The following ARID2 variants were observed in gnomAD, a reference collection of about 807,000 sequenced individuals.
ARID2 encodes AT-rich interaction domain 2, also known as AT-rich interactive domain-containing protein 2.
A neutral mutation model predicts 184.6 loss-of-function variants in ARID2; 32 were observed. The observed-to-expected ratio is 0.17, with a 90% CI of 0.13 to 0.23. The LOEUF is 0.23. Ranked by LOEUF, ARID2 falls within the 10% of genes least tolerant of loss-of-function variation. The pLI is 1.00. For synonymous variants in ARID2, 836 were observed against 772.6 expected (o/e 1.08, Z -1.36); for missense variants, 1,696 against 2,197.6 (o/e 0.77, Z 4.56).
chr12:45,794,318 C>G (rs547864758), intron 3 of ARID2, among the ~76,000 whole-genome samples: 33 of 152,300 alleles, frequency 2.2e-4, no homozygotes, highest in Non-Finnish European at 3.4e-4. Flanking sequence ...TAGAGCTGAG[C>G]AACCTCAGCG....
chr12:45,746,773 T>C (rs1941363792), intron 3 of ARID2, among the ~76,000 whole-genome samples: 1 of 152,014 alleles, frequency 6.6e-6, no homozygotes, highest in Non-Finnish European at 1.5e-5. Flanking sequence ...CTGGATCTAG[T>C]ATTTTTTTTT....
At chr12:45,761,806 C>T (rs1592060300) in intron 3 of ARID2, among the ~76,000 whole-genome samples, 1 of 151,610 alleles carries the variant, frequency 6.6e-6, no homozygotes, top group South Asian at 2.1e-4. Context: ...AATTCTTCTT[C>T]GTTTATTTTC....
chr12:45,775,985 T>C (rs1316627887), intron 3 of ARID2: 1 of 164,338 alleles, frequency 6.1e-6, no homozygotes, highest in Non-Finnish European at 1.5e-5. Context: ...CAGTAACTAA[T>C]TAATACAATG....
At chr12:45,883,503 G>T (rs193070547) in intron 16 of ARID2, among the ~76,000 whole-genome samples, 2 of 148,288 alleles carry the variant, frequency 1.3e-5, no homozygotes, top group Admixed American at 6.9e-5. Context: ...AAACTTGTGC[G>T]TAAAATAAGG....
intron 16 of ARID2, among the ~76,000 whole-genome samples, chr12:45,861,580 C>CT (rs11303020): frequency 0.02 from 1,942 of 96,942 alleles, 34 homozygotes; most frequent in South Asian, 0.071. Flanking sequence ...AGGCATTTGT[C>CT]TTTTTTTTTT....
intron 12 of ARID2, among the ~76,000 whole-genome samples, chr12:45,848,628 C>A (rs184350589): frequency 6.6e-6 from 1 of 152,124 alleles, no homozygotes; most frequent in East Asian, 1.9e-4. Flanking sequence ...TTGTCAGTGT[C>A]ATTTTTAATA....
intron 18 of ARID2, among the ~76,000 whole-genome samples, chr12:45,892,558 T>C (rs1944314986): frequency 6.6e-6 from 1 of 152,192 alleles, no homozygotes; most frequent in Non-Finnish European, 1.5e-5. Context: ...TCTTATTTAA[T>C]ATTCAGAATT....
intron 3 of ARID2, among the ~76,000 whole-genome samples, chr12:45,749,174 A>G (rs1199964812): frequency 1.3e-5 from 2 of 152,222 alleles, no homozygotes; most frequent in African/African-American, 4.8e-5. Context: ...GAAAGTCAAA[A>G]TGACTCCTTG....
intron 3 of ARID2, among the ~76,000 whole-genome samples, chr12:45,735,291 C>T (rs556005321): frequency 3.1e-3 from 467 of 151,696 alleles, no homozygotes; most frequent in Non-Finnish European, 5.0e-3. Context: ...AATTGCTAAA[C>T]GGAACTGAAT....
At chr12:45,752,762 C>T (rs754906263) in intron 3 of ARID2, among the ~76,000 whole-genome samples, 2 of 152,184 alleles carry the variant, frequency 1.3e-5, no homozygotes, top group African/African-American at 2.4e-5. Context: ...TTCCAAAATG[C>T]TGGCATTACA....
At chr12:45,827,371 A>G (rs544897653) in intron 6 of ARID2, among the ~76,000 whole-genome samples, 2 of 152,270 alleles carry the variant, frequency 1.3e-5, no homozygotes, top group South Asian at 4.1e-4. Context: ...CTTATTTCAG[A>G]GAAAAAAATA....
At chr12:45,815,227 G>T (rs1039849875) in intron 4 of ARID2, among the ~76,000 whole-genome samples, 6 of 152,020 alleles carry the variant, frequency 3.9e-5, no homozygotes, top group South Asian at 2.1e-4. Flanking sequence ...GCTAAGACTT[G>T]GCTTATCATC....
At chr12:45,866,095 A>G (rs992254185) in intron 16 of ARID2, among the ~76,000 whole-genome samples, 5 of 152,036 alleles carry the variant, frequency 3.3e-5, no homozygotes, top group Admixed American at 6.6e-5. Flanking sequence ...TTCTTATTTT[A>G]AACTATATAT....
intron 16 of ARID2, among the ~76,000 whole-genome samples, chr12:45,872,247 T>C (rs971941678): frequency 6.6e-6 from 1 of 152,192 alleles, no homozygotes; most frequent in African/African-American, 2.4e-5. Flanking sequence ...TTTTTTAGTA[T>C]ATAAGTTCAA....
At chr12:45,863,551 C>T (rs1224311775) in intron 16 of ARID2, among the ~76,000 whole-genome samples, 1 of 151,982 alleles carries the variant, frequency 6.6e-6, no homozygotes, top group Non-Finnish European at 1.5e-5. Flanking sequence ...TGCATCATTG[C>T]ACTCCAGCCT....
chr12:45,755,942 G>A (rs1349416328), intron 3 of ARID2: 2 of 164,310 alleles, frequency 1.2e-5, no homozygotes, highest in Non-Finnish European at 1.5e-5. Flanking sequence ...GTCTCACTCT[G>A]TCACCCAGGC....
intron 3 of ARID2, among the ~76,000 whole-genome samples, chr12:45,800,069 C>T (rs1188238079): frequency 2.0e-5 from 3 of 152,044 alleles, no homozygotes; most frequent in East Asian, 1.9e-4. Context: ...CAGGCAGTCT[C>T]GAACTCCTGG....
intron 6 of ARID2, among the ~76,000 whole-genome samples, chr12:45,825,249 T>A (rs1307894257): frequency 6.6e-6 from 1 of 152,098 alleles, no homozygotes; most frequent in Non-Finnish European, 1.5e-5. Context: ...TTTGAAATGC[T>A]CCCAACACAA....
At chr12:45,862,468 G>T (rs569202639) in intron 16 of ARID2, among the ~76,000 whole-genome samples, 46 of 152,072 alleles carry the variant, frequency 3.0e-4, no homozygotes, top group Non-Finnish European at 6.2e-4. Context: ...CTCTCCATTT[G>T]TCTTGAGATT....
Sources: gnomAD v4.1 joint callset for allele counts (sites outside exome capture counted in the v4.1 genomes callset) on GRCh38, gnomAD v4.1.1 for gene constraint, MANE v1.5 for transcripts, NCBI Gene and HGNC (gene_info 2026-07-23, HGNC 2026-07-21) for gene names.